Variants in ARHGAP22 observed in about 807,000 individuals in gnomAD.
The protein encoded by ARHGAP22 is Rho GTPase activating protein 22, also known as rho GTPase-activating protein 22.
Under a neutral mutation model 59.1 loss-of-function variants are expected in ARHGAP22, and 48 were observed. The ratio of observed to expected loss-of-function variants is 0.81; its 90% CI spans 0.64 to 1.03. The LOEUF is 1.03. ARHGAP22 is among the 50% of genes least tolerant of loss of function. The probability of loss-of-function intolerance (pLI) is 0.00; values close to 1 mark genes in which losing one functional copy is unlikely to be tolerated. For synonymous variants in ARHGAP22, 445 were observed against 416.4 expected (o/e 1.07, Z -0.84); for missense variants, 1,015 against 958.7 (o/e 1.06, Z -0.78).
At chr10:48,498,189 C>G (rs1036097399) in intron 3 of ARHGAP22, among the ~76,000 whole-genome samples, 1 of 152,134 alleles carries the variant, frequency 6.6e-6, no homozygotes, top group African/African-American at 2.4e-5. Context: ...AAGGAGAAAG[C>G]TGGCCCGAGC....
chr10:48,618,546 C>A (rs546867208), intron 1 of ARHGAP22, among the ~76,000 whole-genome samples: 29 of 152,018 alleles, frequency 1.9e-4, no homozygotes, highest in Non-Finnish European at 2.9e-4. Flanking sequence ...TCAACATATG[C>A]AAATCAATAA....
intron 2 of ARHGAP22, among the ~76,000 whole-genome samples, chr10:48,572,777 G>C (rs933406326): frequency 6.6e-6 from 1 of 152,068 alleles, no homozygotes; most frequent in African/African-American, 2.4e-5. Flanking sequence ...AATGCTTTAC[G>C]AAAAATAAGA....
chr10:48,604,716 A>G, intron 1 of ARHGAP22, 47 bp downstream of exon 1: 1 of 1,614,142 alleles, frequency 6.2e-7, no homozygotes, highest in Non-Finnish European at 8.5e-7. Flanking sequence ...CACGTTTGCC[A>G]AGAGGCACAT....
At chr10:48,544,666 A>G (rs985583493) in intron 3 of ARHGAP22, among the ~76,000 whole-genome samples, 2 of 152,248 alleles carry the variant, frequency 1.3e-5, no homozygotes, top group Non-Finnish European at 2.9e-5. Context: ...CTACTTTTCA[A>G]TCATACATTT....
downstream of ARHGAP22, among the ~76,000 whole-genome samples, chr10:48,441,069 A>G (rs1007597644): frequency 1.3e-5 from 2 of 152,204 alleles, no homozygotes; most frequent in Non-Finnish European, 2.9e-5. Flanking sequence ...TATGTCAGGT[A>G]TGGTATCAAC....
chr10:48,482,775 T>C (rs1181906945), intron 3 of ARHGAP22, among the ~76,000 whole-genome samples: 1 of 152,210 alleles, frequency 6.6e-6, no homozygotes, highest in Non-Finnish European at 1.5e-5. Flanking sequence ...TGTTTATTAT[T>C]CCTATGTGTT....
At chr10:48,484,573 T>C (rs2049671714) in intron 3 of ARHGAP22, among the ~76,000 whole-genome samples, 1 of 152,256 alleles carries the variant, frequency 6.6e-6, no homozygotes, top group Non-Finnish European at 1.5e-5. Flanking sequence ...CCTTAAATAT[T>C]TGATATAATT....
the ARHGAP22 span, among the ~76,000 whole-genome samples, chr10:48,431,665 C>CT: frequency 1.3e-5 from 2 of 152,156 alleles, no homozygotes; most frequent in South Asian, 2.1e-4. Flanking sequence ...CTGTCTTTCT[C>CT]TTTTTGATAT....
chr10:48,655,011 TTTCTTTCTTTCTTTCTTTCA>T (rs1450681974), upstream of ARHGAP22, among the ~76,000 whole-genome samples: 15 of 65,690 alleles, frequency 2.3e-4, 1 homozygote, highest in Non-Finnish European at 3.5e-4. Flanking sequence ...TTTCTTTCTC[TTTCTTTCTTTCTTTCTTTCA>T]TTCTTTCTTT....
At chr10:48,466,956 C>T (rs1589550392) in intron 4 of ARHGAP22, among the ~76,000 whole-genome samples, 1 of 152,220 alleles carries the variant, frequency 6.6e-6, no homozygotes, top group East Asian at 1.9e-4. Flanking sequence ...TTGGAGCGCC[C>T]GCTTAACCCT....
At chr10:48,530,441 T>C (rs1340421041) in intron 3 of ARHGAP22, among the ~76,000 whole-genome samples, 1 of 152,128 alleles carries the variant, frequency 6.6e-6, no homozygotes, top group Non-Finnish European at 1.5e-5. Flanking sequence ...ACTAAAATGC[T>C]TCTGTATAGC....
chr10:48,458,188 G>A (rs1223901919), intron 5 of ARHGAP22, among the ~76,000 whole-genome samples: 1 of 152,176 alleles, frequency 6.6e-6, no homozygotes, highest in Non-Finnish European at 1.5e-5. Context: ...TGCCCACCAT[G>A]GAGATGGCCC....
At chr10:48,448,285 C>T (rs1202869148) in intron 9 of ARHGAP22, among the ~76,000 whole-genome samples, 2 of 152,200 alleles carry the variant, frequency 1.3e-5, no homozygotes, top group African/African-American at 4.8e-5. Flanking sequence ...CTCCAACCTT[C>T]TACCCTGAGG....
chr10:48,620,898 C>A (rs570672181), intron 1 of ARHGAP22, among the ~76,000 whole-genome samples: 1 of 152,250 alleles, frequency 6.6e-6, no homozygotes, highest in Non-Finnish European at 1.5e-5. Context: ...GGCTCCAAGG[C>A]CTTGCTGCTT....
At chr10:48,633,382 G>A (rs906883947) in intron 1 of ARHGAP22, among the ~76,000 whole-genome samples, 4 of 152,190 alleles carry the variant, frequency 2.6e-5, no homozygotes, top group African/African-American at 9.7e-5. Flanking sequence ...ATATCACTTG[G>A]TTTTCAAAAA....
chr10:48,627,572 G>T (rs1436387967), intron 1 of ARHGAP22, among the ~76,000 whole-genome samples: 1 of 152,236 alleles, frequency 6.6e-6, no homozygotes, highest in Admixed American at 6.5e-5. Context: ...CCAGGACAGG[G>T]TTTGGGAGAG....
chr10:48,653,128 G>A (rs1204911971), upstream of ARHGAP22, among the ~76,000 whole-genome samples: 4 of 152,232 alleles, frequency 2.6e-5, no homozygotes, highest in Admixed American at 1.3e-4. Flanking sequence ...AGATGGAGCA[G>A]TGACTCCTGG....
At chr10:48,451,356 A>T (rs562318726) in intron 8 of ARHGAP22, 1 of 739,466 alleles carries the variant, frequency 1.4e-6, no homozygotes, top group African/African-American at 1.7e-5. Context: ...CGCCTTCCTC[A>T]GGCACAGAGC....
chr10:48,643,255 T>C (rs142969303), intron 1 of ARHGAP22, among the ~76,000 whole-genome samples: 1,849 of 152,216 alleles, frequency 0.012, 37 homozygotes, highest in African/African-American at 0.042. Flanking sequence ...ACCCAAAGGA[T>C]TATAAATCAT....
Sources: gnomAD v4.1 joint callset for allele counts (sites outside exome capture counted in the v4.1 genomes callset) on GRCh38, gnomAD v4.1.1 for gene constraint, MANE v1.5 for transcripts, NCBI Gene and HGNC (gene_info 2026-07-23, HGNC 2026-07-21) for gene names.